Variants in AGAP1 observed in about 807,000 individuals in gnomAD.
AGAP1 encodes ArfGAP with GTPase domain, ankyrin repeat and PH domain 1.
Under a neutral mutation model 105.3 loss-of-function variants are expected in AGAP1, and 29 were observed. The ratio of observed to expected loss-of-function variants is 0.28; its 90% confidence interval spans 0.21 to 0.38. The LOEUF is 0.38. Among genes scored for constraint, AGAP1 ranks in the 10% least tolerant of loss-of-function variants. The probability of loss-of-function intolerance (pLI) is 1.00; values close to 1 mark genes in which losing one functional copy is unlikely to be tolerated. For synonymous variants in AGAP1, 509 were observed against 485.9 expected (o/e 1.05, Z -0.63); for missense variants, 998 against 1,165.1 (o/e 0.86, Z 2.09).
intron 6 of AGAP1, 117 bp from the exon 7 acceptor site, chr2:235,797,642 G>A (rs1957303170): frequency 7.6e-7 from 1 of 1,310,446 alleles, no homozygotes; most frequent in Non-Finnish European, 1.1e-6. Flanking sequence ...AACCAGGAAT[G>A]CTATTACTGC....
intron 16 of AGAP1, among the ~76,000 whole-genome samples, chr2:236,068,325 A>G (rs932147212): frequency 9.9e-5 from 15 of 152,188 alleles, no homozygotes; most frequent in African/African-American, 3.1e-4. Context: ...ATCTGATGGT[A>G]AAAAACAAAG....
chr2:235,655,230 G>A lies in AGAP1; in HGVS notation c.164-53949G>A, dbSNP rs563682721. Among the ~76,000 whole-genome samples, 8 of 152,228 alleles carry A rather than the reference G, an allele frequency of 5.3e-5. No homozygotes were observed. Among genetic ancestry groups the A allele is most frequent in the South Asian group, 2.1e-4 (1 of 4,824 alleles). ...ACAGAAGCTGGAAGGTAGACAGGTC[G>A]TTGTCTCCATTTTTGTTCTTTAAAG... On this transcript the variant is annotated intron_variant, in intron 1 of 17. Coordinates refer to ENST00000304032, the MANE Select transcript of AGAP1 (RefSeq NM_001037131.3). This position sits in a 1 kb window ranked among gnomAD's most constrained non-coding sequence, Gnocchi z 4.3.
chr2:236,021,456 C>G (rs1017254398), intron 13 of AGAP1, among the ~76,000 whole-genome samples: 1 of 152,212 alleles, frequency 6.6e-6, no homozygotes, highest in Non-Finnish European at 1.5e-5. Flanking sequence ...GCCTGCCCAA[C>G]ATGGCCGTGC....
At chr2:235,694,478 CA>C (rs1055692749) in intron 1 of AGAP1, among the ~76,000 whole-genome samples, 3,480 of 73,654 alleles carry the variant, frequency 0.047, 111 homozygotes, top group African/African-American at 0.14. Context: ...GACTCTGTCT[CA>C]AAAAAAAAAA....
chr2:235,839,226 C>T (rs1411731049), intron 9 of AGAP1, among the ~76,000 whole-genome samples: 1 of 152,164 alleles, frequency 6.6e-6, no homozygotes, highest in Non-Finnish European at 1.5e-5. Context: ...CAAACCTGTG[C>T]TTTTCCATTT....
intron 1 of AGAP1, among the ~76,000 whole-genome samples, chr2:235,651,502 AT>A (rs1378258801): frequency 6.6e-6 from 1 of 152,208 alleles, no homozygotes; most frequent in Non-Finnish European, 1.5e-5. Flanking sequence ...GAAGATTCCC[AT>A]AGGCAAATAG....
At position 235,728,125 on chromosome 2, in the gene AGAP1, C is replaced by T. The variant is rs181354102; in HGVS notation, c.310+10481C>T. On this transcript the variant is annotated intron_variant, in intron 3 of 17. Coordinates refer to ENST00000304032, the MANE Select transcript of AGAP1 (RefSeq NM_001037131.3). The surrounding 1 kb of genome is among the most constrained non-coding windows in gnomAD (Gnocchi z 4.3). ...CCATGGCAAATTCCAAGGGCCAGGA[C>T]GATGGAGACAAGGGAAGTAGAAGTT... 1.3e-5 allele frequency among the ~76,000 whole-genome samples: 2 copies of T among 152,110 alleles called. No individual in the cohort carries two copies. The highest frequency in any genetic ancestry group is 4.8e-5 in the African/African-American group (2 of 41,414).
chr2:236,051,182 CTG>C lies in AGAP1; in HGVS notation c.2114+1904_2114+1905del, dbSNP rs1349842618. Among the ~76,000 whole-genome samples the C allele has an allele frequency of 2.0e-5, 3 of 152,228 alleles. No individual in the cohort carries two copies. The highest frequency in any genetic ancestry group is 7.2e-5 in the African/African-American group (3 of 41,460). ...GGTTCTGTGCTGTTGCTGAAGGTAACTGTGGAATTTCTAAGTTCCCTTTGCAC... is the reference window on the plus strand; with the variant it reads ...GGTTCTGTGCTGTTGCTGAAGGTAACTGGAATTTCTAAGTTCCCTTTGCAC... On this transcript the variant is annotated intron_variant, in intron 16 of 17. Transcript: ENST00000304032. This position sits in a 1 kb window ranked among gnomAD's most constrained non-coding sequence, Gnocchi z 5.9.
In AGAP1 at chr2:235,993,696, C is replaced by A. The variant is rs1055064054; in HGVS notation, c.1645+25073C>A. On this transcript the variant is annotated intron_variant, in intron 13 of 17. Coordinates refer to ENST00000304032, the MANE Select transcript of AGAP1 (RefSeq NM_001037131.3). The surrounding 1 kb of genome is among the most constrained non-coding windows in gnomAD (Gnocchi z 5.0). ...ATACCAAATTAAGGGCTCTGAGGAACGCTTCCTTTGAAAATACCCTAGTTT... is the reference window on the plus strand; with the variant it reads ...ATACCAAATTAAGGGCTCTGAGGAAAGCTTCCTTTGAAAATACCCTAGTTT... 6.6e-6 allele frequency among the ~76,000 whole-genome samples: 1 copy of A among 152,132 alleles called. No individual in the cohort carries two copies. The highest frequency in any genetic ancestry group is 1.5e-5 in the Non-Finnish European group (1 of 68,010).
At chr2:236,029,968 G>GGCT (rs1175006129) in intron 13 of AGAP1, among the ~76,000 whole-genome samples, 1 of 152,000 alleles carries the variant, frequency 6.6e-6, no homozygotes, top group Admixed American at 6.6e-5. Context: ...TGAACTCCTG[G>GGCT]GCTCAAGTGA....
intron 6 of AGAP1, among the ~76,000 whole-genome samples, chr2:235,772,005 T>A (rs1955497347): frequency 6.7e-6 from 1 of 149,922 alleles, no homozygotes; most frequent in African/African-American, 2.4e-5. Context: ...TTATCTTTTT[T>A]TTTTTTTTGA....
chr2:235,797,716 A>T, intron 6 of AGAP1, 43 bp from the exon 7 acceptor site: 1 of 1,613,220 alleles, frequency 6.2e-7, no homozygotes, highest in Non-Finnish European at 8.5e-7. Context: ...CTGAATTTGG[A>T]AATTGATTGA....
rs945515093 is a variant in AGAP1 at position 235,622,922 on chromosome 2, C to G, written c.164-86257C>G. Among the ~76,000 whole-genome samples, 3 of 152,068 alleles carry G rather than the reference C, an allele frequency of 2.0e-5. No homozygotes were observed. Among genetic ancestry groups the G allele is most frequent in the Non-Finnish European group, 2.9e-5 (2 of 68,026 alleles). On this transcript the variant is annotated intron_variant, in intron 1 of 17. Transcript: ENST00000304032. This position sits in a 1 kb window ranked among gnomAD's most constrained non-coding sequence, Gnocchi z 5.0. ...CTTCACGGTCCTATTGGCATGAGAA[C>G]CACGTCCCCAGCTATTCCCACCTGC...
intron 10 of AGAP1, among the ~76,000 whole-genome samples, chr2:235,885,513 A>G (rs1373996722): frequency 1.3e-5 from 2 of 152,116 alleles, no homozygotes; most frequent in South Asian, 2.1e-4. Flanking sequence ...ATGTGCTTTC[A>G]TGGTTTTTGC....
chr2:236,015,358 G>T (rs1424643458), intron 13 of AGAP1, among the ~76,000 whole-genome samples: 1 of 143,916 alleles, frequency 6.9e-6, no homozygotes, highest in Non-Finnish European at 1.5e-5. Context: ...CCACAGGCAG[G>T]CAGGCCCGGG....
Position 236,108,205 on chromosome 2 carries a change from G to A in AGAP1, c.2115-11987G>A, listed in dbSNP as rs541602596. ...AAGGGGGAGGCAGCTGTCAGCGCCC[G>A]CTCGCAGTGGGCCGGGGTCTTCCCC... is the stretch of plus-strand genomic sequence containing the variant. On this transcript the variant is annotated intron_variant, in intron 16 of 17. Transcript: ENST00000304032. 7.2e-5 allele frequency among the ~76,000 whole-genome samples: 11 copies of A among 152,346 alleles called. No individual in the cohort carries two copies. The East Asian group carries it at 9.6e-4, about 13-fold the overall frequency.
At chr2:235,859,926 G>A (rs1194910671) in intron 9 of AGAP1, among the ~76,000 whole-genome samples, 1 of 152,194 alleles carries the variant, frequency 6.6e-6, no homozygotes, top group Non-Finnish European at 1.5e-5. Flanking sequence ...AGCAAGCAGA[G>A]GTTGTATGGC....
At position 236,120,811 on chromosome 2, in the gene AGAP1, C is replaced by G. The variant is rs901311408; in HGVS notation, c.2370+364C>G. Among the ~76,000 whole-genome samples, 13 of 152,160 alleles carry G rather than the reference C, an allele frequency of 8.5e-5. No homozygotes were observed. Among genetic ancestry groups the G allele is most frequent in the Non-Finnish European group, 1.6e-4 (11 of 68,032 alleles). ...CTTTGGTGTTTTTATTCACTTAACA[C>G]AGAAATACTGGACCCTAAACTTTGA... On this transcript the variant is annotated intron_variant, in intron 17 of 17. Transcript: ENST00000304032. The surrounding 1 kb of genome is among the most constrained non-coding windows in gnomAD (Gnocchi z 6.0).
intron 9 of AGAP1, among the ~76,000 whole-genome samples, chr2:235,839,779 A>G (rs899193617): frequency 6.6e-6 from 1 of 152,186 alleles, no homozygotes; most frequent in African/African-American, 2.4e-5. Context: ...GAGATGTGGG[A>G]ACAGGAGGAG....
Sources: allele counts gnomAD v4.1 joint callset (sites outside exome capture counted in the v4.1 genomes callset), GRCh38; gene constraint gnomAD v4.1.1; non-coding constraint Gnocchi (gnomAD v3.1); transcripts MANE v1.5; gene names NCBI Gene and HGNC (gene_info 2026-07-23, HGNC 2026-07-21).